PPP2R2C: variants seen among roughly 807,000 people sequenced by gnomAD.
The protein encoded by PPP2R2C is protein phosphatase 2 regulatory subunit Bgamma, also known as protein phosphatase 2, regulatory subunit B, gamma.
A neutral mutation model predicts 45.3 loss-of-function variants in PPP2R2C; 10 were observed. The observed-to-expected ratio is 0.22, with a 90% CI of 0.14 to 0.37. PPP2R2C has a LOEUF of 0.37. Among genes scored for constraint, PPP2R2C ranks in the 10% least tolerant of loss-of-function variants. The pLI is 1.00. For synonymous variants in PPP2R2C, 257 were observed against 245.4 expected (o/e 1.05, Z -0.44); for missense variants, 308 against 619.7 (o/e 0.50, Z 5.34).
intron 5 of PPP2R2C, among the ~76,000 whole-genome samples, chr4:6,361,250 A>T (rs1713703168): frequency 6.6e-6 from 1 of 152,346 alleles, no homozygotes; most frequent in East Asian, 1.9e-4. Context: ...CGCTCACTGC[A>T]CAAGCCACTG....
intron 1 of PPP2R2C, among the ~76,000 whole-genome samples, chr4:6,537,130 G>A (rs926385228): frequency 5.3e-5 from 8 of 152,122 alleles, no homozygotes; most frequent in Admixed American, 5.2e-4. Flanking sequence ...TTGAACCCAG[G>A]AGGCGGAGGT....
intron 1 of PPP2R2C, among the ~76,000 whole-genome samples, chr4:6,459,706 G>A (rs1577199492): frequency 6.6e-6 from 1 of 152,152 alleles, no homozygotes; most frequent in African/African-American, 2.4e-5. Context: ...AGAATTGCTT[G>A]AGCCTGGGAG....
At chr4:6,517,441 C>T (rs988568210) in intron 2 of PPP2R2C, among the ~76,000 whole-genome samples, 1 of 152,236 alleles carries the variant, frequency 6.6e-6, no homozygotes, top group Non-Finnish European at 1.5e-5. Context: ...AGAGGGACTA[C>T]TTCCCAGAAG....
chr4:6,375,604 G>A (rs1325060477), intron 4 of PPP2R2C, among the ~76,000 whole-genome samples: 1 of 152,202 alleles, frequency 6.6e-6, no homozygotes, highest in African/African-American at 2.4e-5. Context: ...ACCCCTGCAT[G>A]CTCACAAGAA....
intron 1 of PPP2R2C, among the ~76,000 whole-genome samples, chr4:6,417,357 C>A (rs542066583): frequency 6.6e-6 from 1 of 152,244 alleles, no homozygotes. Flanking sequence ...ATGACCATTA[C>A]CCTTGTTCCA....
chr4:6,453,139 C>G (rs1227409237), intron 1 of PPP2R2C, among the ~76,000 whole-genome samples: 2 of 152,170 alleles, frequency 1.3e-5, no homozygotes, highest in Non-Finnish European at 2.9e-5. Context: ...CACCTAACGC[C>G]TCATCTCCAT....
rs1426383535 is a variant in PPP2R2C, at chr4:6,348,965, G to A, written c.626-955C>T. On this transcript the variant is annotated intron_variant, in intron 5 of 8. Transcript: ENST00000382599. ...CACAGAGAAGATGAGCAACTCGTCC[G>A]GGGTGGCCCAGGTGTGATTGGTAAG... 3.7e-5 allele frequency: 36 copies of A among 962,662 alleles called. No homozygotes were observed. The South Asian group carries it at 7.7e-4, about 21-fold the overall frequency. The allele number at this position is 962,662 out of a possible 1,614,324, so 59.6% of individuals were successfully genotyped here. A position where few individuals can be genotyped will look rare whatever the true frequency, so the allele number is the denominator to read the frequency against.
chr4:6,344,479 G>A (rs999634191), intron 6 of PPP2R2C, among the ~76,000 whole-genome samples: 12 of 152,214 alleles, frequency 7.9e-5, no homozygotes, highest in African/African-American at 1.2e-4. Flanking sequence ...CACAGGCTTC[G>A]GGAGCCAAAG....
rs1425226408 is a variant in PPP2R2C, at chr4:6,402,664, C to G, written c.71-21570G>C. ...GGCAGTCATGGATGTAAACAAGCACCACATGGCATGGCCAGGGCTGCGATG... is the reference window on the plus strand; with the variant it reads ...GGCAGTCATGGATGTAAACAAGCACGACATGGCATGGCCAGGGCTGCGATG... On this transcript the variant is annotated intron_variant, in intron 1 of 8. Transcript: ENST00000382599. Among the ~76,000 whole-genome samples, 9 of 152,190 alleles carry G rather than the reference C, an allele frequency of 5.9e-5. No homozygotes were observed. The South Asian group carries it at 1.7e-3, about 28-fold the overall frequency.
intron 2 of PPP2R2C, among the ~76,000 whole-genome samples, chr4:6,530,527 T>C (rs763584190): frequency 2.0e-5 from 3 of 147,458 alleles, no homozygotes; most frequent in South Asian, 2.2e-4. Flanking sequence ...TCCGTGGCTG[T>C]GGTCGCTGGA....
chr4:6,540,591 A>G (rs904132439), intron 1 of PPP2R2C, among the ~76,000 whole-genome samples: 2 of 152,250 alleles, frequency 1.3e-5, no homozygotes, highest in Non-Finnish European at 2.9e-5. Flanking sequence ...GTAGATGCCT[A>G]GGAGTAGAAT....
chr4:6,389,225 A>C (rs902239310), intron 1 of PPP2R2C, among the ~76,000 whole-genome samples: 1 of 152,158 alleles, frequency 6.6e-6, no homozygotes, highest in African/African-American at 2.4e-5. Flanking sequence ...GTGGACTAGG[A>C]CGTTCCCTGG....
rs112969167 is a variant in PPP2R2C, at chr4:6,342,129, T to C, written c.790+5717A>G. Among the ~76,000 whole-genome samples the C allele has an allele frequency of 2.3e-4, 27 of 119,766 alleles. No homozygotes were observed. The East Asian group carries it at 4.2e-3, about 19-fold the overall frequency. 78.6% of individuals were successfully genotyped at this position (119,766 alleles called of 152,430 possible). On this transcript the variant is annotated intron_variant, in intron 6 of 8. Coordinates refer to ENST00000382599, the MANE Select transcript of PPP2R2C (RefSeq NM_020416.4). Reference sequence around the variant, plus strand: ...ACACACACACACACACACACACACATACATATATATACATACATATATATA... The same window carrying C: ...ACACACACACACACACACACACACACACATATATATACATACATATATATA...
At chr4:6,384,274 A>G in intron 1 of PPP2R2C, 1 of 985,474 alleles carries the variant, frequency 1.0e-6, no homozygotes, top group Non-Finnish European at 1.2e-6. Flanking sequence ...GGAACGGGAT[A>G]TAAAATTGGG....
chr4:6,329,402 T>C lies in PPP2R2C; in HGVS notation c.961-49A>G. The C allele has an allele frequency of 3.3e-6, 5 of 1,520,398 alleles. No individual in the cohort carries two copies. Among genetic ancestry groups the C allele is most frequent in the Non-Finnish European group, 4.6e-6 (5 of 1,095,944 alleles). 94.2% of individuals were successfully genotyped at this position (1,520,398 alleles called of 1,614,324 possible). A position where few individuals can be genotyped will look rare whatever the true frequency, so the allele number is the denominator to read the frequency against. ...AGTGGACGGGGCGTCCCGACCATCC[T>C]GGCCCTTCCACAAGAAGGGTCTCAA... On this transcript the variant is annotated intron_variant, in intron 7 of 8. Coordinates refer to ENST00000382599, the MANE Select transcript of PPP2R2C (RefSeq NM_020416.4). The surrounding 1 kb of genome is among the most constrained non-coding windows in gnomAD (Gnocchi z 5.8).
chr4:6,500,916 G>A (rs905993620), intron 2 of PPP2R2C, among the ~76,000 whole-genome samples: 4 of 152,322 alleles, frequency 2.6e-5, no homozygotes, highest in East Asian at 1.9e-4. Context: ...ACAGGGCTGC[G>A]AAGCCGTCGC....
chr4:6,430,951 A>G (rs1404237952), intron 1 of PPP2R2C, among the ~76,000 whole-genome samples: 3 of 152,096 alleles, frequency 2.0e-5, no homozygotes, highest in African/African-American at 7.2e-5. Context: ...CAACAAAAAA[A>G]AAACTTTGCA....
chr4:6,544,088 GT>G (rs1400181356), intron 1 of PPP2R2C, among the ~76,000 whole-genome samples: 1 of 152,122 alleles, frequency 6.6e-6, no homozygotes, highest in African/African-American at 2.4e-5. Context: ...GGCCCCATTT[GT>G]TTACTGAAGG....
chr4:6,492,947 C>T, intron 2 of PPP2R2C, among the ~76,000 whole-genome samples: 1 of 152,182 alleles, frequency 6.6e-6, no homozygotes, highest in East Asian at 1.9e-4. Context: ...CCTGGGGACC[C>T]TATAGGATCT....
Sources: allele counts gnomAD v4.1 joint callset (sites outside exome capture counted in the v4.1 genomes callset), GRCh38; gene constraint gnomAD v4.1.1; non-coding constraint Gnocchi (gnomAD v3.1); transcripts MANE v1.5; gene names NCBI Gene and HGNC (gene_info 2026-07-23, HGNC 2026-07-21).